Variants in CTNNAL1 observed in about 807,000 individuals in gnomAD.
CTNNAL1 encodes the protein alpha-catulin.
In CTNNAL1, 69 loss-of-function variants were observed where a neutral mutation model predicts 93.6. The observed-to-expected ratio is 0.74, with a 90% CI of 0.61 to 0.90. CTNNAL1 has a LOEUF of 0.90. Ranked by LOEUF, CTNNAL1 falls within the 40% of genes least tolerant of loss-of-function variation. The pLI, the probability that CTNNAL1 is intolerant of heterozygous loss-of-function variation, is 0.00. For synonymous variants in CTNNAL1, 286 were observed against 305.4 expected (o/e 0.94, Z 0.66); for missense variants, 836 against 862.0 (o/e 0.97, Z 0.38).
chr9:108,999,929 A>C (rs1564149347), intron 1 of CTNNAL1, among the ~76,000 whole-genome samples: 1 of 152,246 alleles, frequency 6.6e-6, no homozygotes, highest in Non-Finnish European at 1.5e-5. Flanking sequence ...GAACTAGTAC[A>C]TGAACTATGC....
Position 108,942,643 on chromosome 9 carries a change from G to A in CTNNAL1, c.*126C>T, listed in dbSNP as rs768036126. 8 of 691,716 alleles carry A rather than the reference G, an allele frequency of 1.2e-5. No individual in the cohort carries two copies. The highest frequency in any genetic ancestry group is 1.7e-5 in the Non-Finnish European group (7 of 414,266). The allele number at this position is 691,716 out of a possible 1,614,324, so 42.8% of individuals were successfully genotyped here. On this transcript the variant is annotated 3_prime_UTR_variant, in exon 19 of 19. Transcript: ENST00000325551. ...CAATCAGTTTCATGATCAGAAAATA[G>A]AGCAAAATTTCAATATTGTTTTCTT...
At chr9:108,970,375 A>G (rs1002545443) in intron 10 of CTNNAL1, 27 bp downstream of exon 10, 5 of 1,595,390 alleles carry the variant, frequency 3.1e-6, no homozygotes, top group Non-Finnish European at 3.4e-6. Context: ...GACACAATAC[A>G]GAAGGAGCAA....
rs762309755 is a variant in CTNNAL1, at chr9:108,979,400, G to A, written c.982C>T (p.Arg328Cys). 1.3e-5 allele frequency: 21 copies of A among 1,613,910 alleles called. No homozygotes were observed. In the South Asian group the frequency reaches 1.3e-4, roughly 10 times the overall value. ...GCAGAATCAGTAAAGTCCTCCATAC[G>A]CTCCAAGATGACTTCCAATGTCACA... Reference protein sequence around the residue: ...LSVTLEVILERMEDFTDSAYT... With the variant: ...LSVTLEVILECMEDFTDSAYT... The change falls in exon 7 of 19, where the codon CGT becomes TGT. Residue 328 changes from arginine (R) to cysteine (C), a missense_variant. Transcript: ENST00000325551.
intron 4 of CTNNAL1, 78 bp from the exon 5 acceptor site, chr9:108,984,514 A>G (rs1420226386): frequency 1.4e-6 from 1 of 733,546 alleles, no homozygotes; most frequent in East Asian, 2.5e-5. Flanking sequence ...TTTATTCAAC[A>G]CTAATACTCA....
At chr9:108,978,233 C>A (rs1343379514) in intron 7 of CTNNAL1, among the ~76,000 whole-genome samples, 1 of 152,148 alleles carries the variant, frequency 6.6e-6, no homozygotes, top group Non-Finnish European at 1.5e-5. Flanking sequence ...AAACTAAACA[C>A]AAAACATTGC....
chr9:108,992,693 G>A lies in CTNNAL1; in HGVS notation c.458C>T (p.Thr153Ile). 2.5e-6 allele frequency: 4 copies of A among 1,613,892 alleles called. No individual in the cohort carries two copies. The highest frequency in any genetic ancestry group is 2.5e-6 in the Non-Finnish European group (3 of 1,179,910). The change falls in exon 3 of 19, where the codon ACA becomes ATA. Residue 153 changes from threonine to isoleucine, a missense_variant. Transcript: ENST00000325551. ...TCGGTCTGCCAGCAACAACACTTTT[G>A]TCACTGAAGAAAGAAGTAATCTTGC... ...KAARLLLSSV[T>I]KVLLLADRVV...
chr9:108,998,427 A>G (rs1047654288), intron 2 of CTNNAL1, among the ~76,000 whole-genome samples: 1 of 151,412 alleles, frequency 6.6e-6, no homozygotes, highest in Non-Finnish European at 1.5e-5. Context: ...ACCACCTGAC[A>G]TTACATATAT....
At chr9:108,989,001 A>G (rs1724130117) in intron 4 of CTNNAL1, among the ~76,000 whole-genome samples, 1 of 152,246 alleles carries the variant, frequency 6.6e-6, no homozygotes, top group South Asian at 2.1e-4. Context: ...GATGATAAAA[A>G]GGCTGCCAGT....
At chr9:108,958,063 C>CAAAAAAAAAAAAAAAAAAAAAAA (rs11291554) in intron 11 of CTNNAL1, among the ~76,000 whole-genome samples, 1 of 85,114 alleles carries the variant, frequency 1.2e-5, no homozygotes, top group African/African-American at 4.8e-5. Context: ...AAGACTGTCT[C>CAAAAAAAAAAAAAAAAAAAAAAA]AAAAAAAAAA....
intron 4 of CTNNAL1, among the ~76,000 whole-genome samples, chr9:108,988,900 A>G (rs968106952): frequency 6.6e-6 from 1 of 152,238 alleles, no homozygotes; most frequent in Non-Finnish European, 1.5e-5. Flanking sequence ...AGCTCTTTGC[A>G]GGATATTTTG....
intron 1 of CTNNAL1, among the ~76,000 whole-genome samples, chr9:109,008,394 A>C (rs1307909894): frequency 6.6e-6 from 1 of 151,970 alleles, no homozygotes; most frequent in Admixed American, 6.6e-5. Flanking sequence ...TGATCCACCC[A>C]CCTCAGCCTC....
At chr9:108,968,932 A>T (rs1364425506) in intron 10 of CTNNAL1, among the ~76,000 whole-genome samples, 1 of 151,868 alleles carries the variant, frequency 6.6e-6, no homozygotes, top group African/African-American at 2.4e-5. Context: ...AAAAAAATAA[A>T]CAAAAGAACA....
chr9:108,985,571 A>G (rs142030560), intron 4 of CTNNAL1, among the ~76,000 whole-genome samples: 265 of 152,368 alleles, frequency 1.7e-3, no homozygotes, highest in Middle Eastern at 6.8e-3. Context: ...AAAGATAGAG[A>G]TGGAATTACA....
At chr9:108,994,237 A>G (rs1831926821) in intron 2 of CTNNAL1, among the ~76,000 whole-genome samples, 1 of 152,142 alleles carries the variant, frequency 6.6e-6, no homozygotes, top group Non-Finnish European at 1.5e-5. Context: ...TCTCAAAAAA[A>G]AAAAAGAAAG....
chr9:108,970,911 A>G (rs1831096502), intron 9 of CTNNAL1, among the ~76,000 whole-genome samples: 1 of 152,206 alleles, frequency 6.6e-6, no homozygotes, highest in African/African-American at 2.4e-5. Flanking sequence ...TGTTCTATCA[A>G]CACTGTCTTC....
chr9:108,967,105 T>A (rs1316473804), intron 10 of CTNNAL1, among the ~76,000 whole-genome samples: 2 of 152,200 alleles, frequency 1.3e-5, no homozygotes, highest in African/African-American at 4.8e-5. Flanking sequence ...ACTGGGGATA[T>A]TATATCAAAT....
chr9:108,984,686 C>T (rs953054376), intron 4 of CTNNAL1, among the ~76,000 whole-genome samples: 1 of 152,166 alleles, frequency 6.6e-6, no homozygotes, highest in Non-Finnish European at 1.5e-5. Flanking sequence ...CAGGTAGAGG[C>T]TGCACATGGC....
intron 15 of CTNNAL1, among the ~76,000 whole-genome samples, chr9:108,944,608 T>A (rs1830346717): frequency 1.3e-5 from 2 of 152,172 alleles, no homozygotes; most frequent in Admixed American, 1.3e-4. Context: ...AAAAGAAGGT[T>A]GTACAGGTAA....
intron 12 of CTNNAL1, among the ~76,000 whole-genome samples, chr9:108,954,690 C>T (rs919574158): frequency 6.6e-6 from 1 of 152,154 alleles, no homozygotes; most frequent in African/African-American, 2.4e-5. Flanking sequence ...ATCATGATCG[C>T]TTTTACACCA....
Sources: allele counts gnomAD v4.1 joint callset (sites outside exome capture counted in the v4.1 genomes callset), GRCh38; gene constraint gnomAD v4.1.1; transcripts MANE v1.5; gene names NCBI Gene and HGNC (gene_info 2026-07-23, HGNC 2026-07-21).